Variants in GKAP1 observed in about 807,000 individuals in gnomAD.
GKAP1 encodes the protein G kinase-anchoring protein 1.
Under a neutral mutation model 56.7 loss-of-function variants are expected in GKAP1, and 31 were observed. The ratio of observed to expected loss-of-function variants is 0.55; its 90% CI spans 0.41 to 0.74. The LOEUF is 0.74. Among genes scored for constraint, GKAP1 ranks in the 30% least tolerant of loss-of-function variants. The probability of loss-of-function intolerance (pLI) is 0.00; values close to 1 mark genes in which losing one functional copy is unlikely to be tolerated. For missense variants in GKAP1, 364 were observed against 402.3 expected, an observed-to-expected ratio of 0.90 and a Z score of 0.82; for synonymous variants, 151 against 138.6, an observed-to-expected ratio of 1.09 and a Z score of -0.63.
At chr9:83,803,941 C>G (rs1276294412) in intron 3 of GKAP1, among the ~76,000 whole-genome samples, 1 of 149,228 alleles carries the variant, frequency 6.7e-6, no homozygotes, top group Non-Finnish European at 1.5e-5. Context: ...TCTGCCCGGC[C>G]GCGACCCCGT....
intron 4 of GKAP1, among the ~76,000 whole-genome samples, chr9:83,792,429 A>C (rs1317585905): frequency 1.3e-5 from 2 of 152,230 alleles, no homozygotes; most frequent in East Asian, 3.8e-4. Context: ...AGAACCTAGA[A>C]TCAATGTGTC....
chr9:83,750,101 T>G lies in GKAP1; in HGVS notation c.841-1729A>C, dbSNP rs567638956. Among the ~76,000 whole-genome samples, 5 of 152,306 alleles carry G rather than the reference T, an allele frequency of 3.3e-5. No homozygotes were observed. In the South Asian group the frequency reaches 1.0e-3, roughly 32 times the overall value. ...TGTTCAAGGTCCAGATCAGTCTTCATGGAGGTACCTCTTATTCAAGGTTTA... is the reference window on the plus strand; with the variant it reads ...TGTTCAAGGTCCAGATCAGTCTTCAGGGAGGTACCTCTTATTCAAGGTTTA... On this transcript the variant is annotated intron_variant, in intron 9 of 12. Coordinates refer to ENST00000376371, the MANE Select transcript of GKAP1 (RefSeq NM_025211.4).
intron 8 of GKAP1, among the ~76,000 whole-genome samples, chr9:83,762,409 G>A (rs1943588911): frequency 1.3e-5 from 2 of 152,048 alleles, no homozygotes; most frequent in African/African-American, 2.4e-5. Context: ...AAGAAGAGAT[G>A]ACAAAATGGA....
chr9:83,774,864 A>G (rs1328265876), intron 7 of GKAP1, among the ~76,000 whole-genome samples: 1 of 151,112 alleles, frequency 6.6e-6, no homozygotes, highest in Non-Finnish European at 1.5e-5. Flanking sequence ...GCATGCCACC[A>G]CACCCAGATA....
intron 3 of GKAP1, among the ~76,000 whole-genome samples, chr9:83,800,330 C>G (rs1056080061): frequency 1.4e-5 from 2 of 142,140 alleles, no homozygotes; most frequent in African/African-American, 2.6e-5. Context: ...TGCCTCCTTA[C>G]GTTTTTTTTT....
chr9:83,812,303 G>T (rs553236526), intron 2 of GKAP1, among the ~76,000 whole-genome samples: 1 of 143,674 alleles, frequency 7.0e-6, no homozygotes, highest in Non-Finnish European at 1.5e-5. Context: ...ATATATATAC[G>T]TATACATATA....
intron 7 of GKAP1, among the ~76,000 whole-genome samples, chr9:83,777,479 T>C (rs1943883560): frequency 6.6e-6 from 1 of 151,948 alleles, no homozygotes; most frequent in East Asian, 1.9e-4. Flanking sequence ...TATAAAGAGG[T>C]ATGTACAAGC....
intron 4 of GKAP1, among the ~76,000 whole-genome samples, chr9:83,791,169 G>A (rs559113041): frequency 3.9e-5 from 6 of 152,270 alleles, no homozygotes; most frequent in East Asian, 3.9e-4. Flanking sequence ...TTGGGAGGCC[G>A]AGACAGGCAG....
intron 3 of GKAP1, among the ~76,000 whole-genome samples, chr9:83,802,846 A>T (rs1174231507): frequency 3.3e-5 from 5 of 151,992 alleles, no homozygotes; most frequent in Non-Finnish European, 7.4e-5. Flanking sequence ...AAAAAAAATA[A>T]AAGAGGCCAG....
chr9:83,803,945 A>C, intron 3 of GKAP1, among the ~76,000 whole-genome samples: 3 of 118,398 alleles, frequency 2.5e-5, no homozygotes, highest in African/African-American at 3.4e-5. Context: ...CCCGGCCGCG[A>C]CCCCGTCTGG....
chr9:83,761,285 T>C (rs1943565986), intron 8 of GKAP1, among the ~76,000 whole-genome samples: 1 of 152,046 alleles, frequency 6.6e-6, no homozygotes, highest in Non-Finnish European at 1.5e-5. Flanking sequence ...CATTAGTGGC[T>C]ACTATGAGCA....
At chr9:83,816,470 A>T (rs539368766) in intron 2 of GKAP1, among the ~76,000 whole-genome samples, 1 of 152,358 alleles carries the variant, frequency 6.6e-6, no homozygotes, top group African/African-American at 2.4e-5. Context: ...CTTTTGGTCA[A>T]CTTCTGGGTT....
intron 3 of GKAP1, among the ~76,000 whole-genome samples, chr9:83,805,416 T>A (rs1415176213): frequency 3.3e-5 from 5 of 150,722 alleles, no homozygotes; most frequent in Non-Finnish European, 7.4e-5. Context: ...TATTGTCCTA[T>A]GACCCTGCCA....
At chr9:83,802,644 T>C (rs1215813780) in intron 3 of GKAP1, among the ~76,000 whole-genome samples, 3 of 151,860 alleles carry the variant, frequency 2.0e-5, no homozygotes, top group South Asian at 2.1e-4. Context: ...GCCTGGGCAA[T>C]GTACTGTGAC....
intron 3 of GKAP1, among the ~76,000 whole-genome samples, chr9:83,805,518 A>G (rs1466046352): frequency 6.6e-6 from 1 of 152,134 alleles, no homozygotes. Flanking sequence ...TAAACTGTGG[A>G]TTCATTTAAA....
rs770741575 is a variant in GKAP1, at chr9:83,768,948, A to G, written c.608T>C (p.Leu203Ser). 4 of 1,609,124 alleles carry G rather than the reference A, an allele frequency of 2.5e-6. No homozygotes were observed. The highest frequency in any genetic ancestry group is 1.7e-4 in the Middle Eastern group (1 of 5,954). Residue 203 changes from leucine (L) to serine (S), a missense_variant, in exon 8 of 13, where the codon TTA becomes TCA. Physicochemically the swap from Leu to Ser is moderately radical, Grantham distance 145. Transcript: ENST00000376371. The stretch of plus-strand genomic sequence containing the variant: ...ATTGAAGAATCCTCCATCATGTGAT[A>G]AAGTCTGAGAAGAACTCAATTCCTG... ...KTEELSSSQT[L>S]SHDGGFFNRL...
In GKAP1 at chr9:83,742,613, G is replaced by A; in HGVS notation, c.905-13C>T. The A allele has an allele frequency of 1.3e-6, 2 of 1,592,186 alleles. No homozygotes were observed. Among genetic ancestry groups the A allele is most frequent in the Non-Finnish European group, 8.6e-7 (1 of 1,162,798 alleles). On this transcript the variant is annotated splice_polypyrimidine_tract_variant and intron_variant, in intron 10 of 12. Transcript: ENST00000376371. ...GCCTTATCTTTCACTGACAAAAAAG[G>A]AAAAACAGCAGTATAGATTTTCCAG...
intron 7 of GKAP1, among the ~76,000 whole-genome samples, chr9:83,772,015 T>C (rs897252837): frequency 3.7e-4 from 57 of 152,158 alleles, no homozygotes; most frequent in African/African-American, 1.3e-3. Flanking sequence ...AGAGATGGGA[T>C]TTTTTTCAAA....
At chr9:83,741,769 G>T (rs1943212895) in intron 12 of GKAP1, among the ~76,000 whole-genome samples, 183 bp downstream of exon 12, 1 of 152,008 alleles carries the variant, frequency 6.6e-6, no homozygotes, top group African/African-American at 2.4e-5. Context: ...AGTTATTGCT[G>T]TATATACCAA....
Sources: gnomAD v4.1 joint callset for allele counts (sites outside exome capture counted in the v4.1 genomes callset) on GRCh38, gnomAD v4.1.1 for gene constraint, MANE v1.5 for transcripts, NCBI Gene and HGNC (gene_info 2026-07-23, HGNC 2026-07-21) for gene names.